Variants in EPHA3 observed in about 807,000 individuals in gnomAD.
EPHA3 encodes the protein EPH receptor A3, also known as ephrin type-A receptor 3.
Under a neutral mutation model 107.1 loss-of-function variants are expected in EPHA3, and 42 were observed. The ratio of observed to expected loss-of-function variants is 0.39; its 90% CI spans 0.31 to 0.51. EPHA3 has a LOEUF of 0.51. Among genes scored for constraint, EPHA3 ranks in the 20% least tolerant of loss-of-function variants. The probability of loss-of-function intolerance (pLI) is 0.78; values close to 1 mark genes in which losing one functional copy is unlikely to be tolerated. For synonymous variants in EPHA3, 461 were observed against 424.8 expected (o/e 1.09, Z -1.05); for missense variants, 1,183 against 1,211.2 (o/e 0.98, Z 0.35).
At chr3:89,304,349 C>T (rs1706561289) in intron 3 of EPHA3, among the ~76,000 whole-genome samples, 2 of 152,018 alleles carry the variant, frequency 1.3e-5, no homozygotes, top group Non-Finnish European at 2.9e-5. Context: ...TGTTTCTCTC[C>T]ACTTCCCTCC....
chr3:89,347,993 G>T (rs948203216), intron 5 of EPHA3, among the ~76,000 whole-genome samples: 3 of 150,804 alleles, frequency 2.0e-5, no homozygotes, highest in African/African-American at 4.9e-5. Flanking sequence ...TAAGCTTTTT[G>T]ATGTGCTGCT....
At chr3:89,443,073 A>G (rs1709814295) in intron 13 of EPHA3, among the ~76,000 whole-genome samples, 1 of 152,246 alleles carries the variant, frequency 6.6e-6, no homozygotes, top group East Asian at 1.9e-4. Context: ...TATAAGTCTT[A>G]CCCTTGTGTA....
At chr3:89,163,396 A>C (rs572893103) in intron 2 of EPHA3, among the ~76,000 whole-genome samples, 89 of 152,278 alleles carry the variant, frequency 5.8e-4, no homozygotes, top group South Asian at 4.1e-4. Context: ...AGAAGGGAAC[A>C]ATAAGGAAAT....
At position 89,219,706 on chromosome 3, in the gene EPHA3, T is replaced by TTTTTTTTA. The variant is rs1704317299; in HGVS notation, c.814+9189_814+9190insTTTTATTT. 9.3e-5 allele frequency among the ~76,000 whole-genome samples: 2 copies of TTTTTTTTA among 21,610 alleles called. 1 individual carries two copies. The highest frequency in any genetic ancestry group is 2.8e-4 in the African/African-American group (2 of 7,096). The allele number at this position is 21,610 out of a possible 152,430, so 14.2% of individuals were successfully genotyped here. On this transcript the variant is annotated intron_variant, in intron 3 of 16. Transcript: ENST00000336596. ...TGGCAATGTTTTTTTTTTTTTTGTT[T>TTTTTTTTA]TTTGTTTTTTTTTTTTTTTTGAGAC...
At chr3:89,280,032 TG>T (rs1450259041) in intron 3 of EPHA3, among the ~76,000 whole-genome samples, 3 of 146,284 alleles carry the variant, frequency 2.1e-5, no homozygotes, top group Non-Finnish European at 3.0e-5. Context: ...CACCTGTGTG[TG>T]TGTGTGTGTG....
intron 13 of EPHA3, among the ~76,000 whole-genome samples, chr3:89,440,004 G>A (rs1164889650): frequency 1.1e-4 from 17 of 151,964 alleles, no homozygotes; most frequent in African/African-American, 1.7e-4. Context: ...TCAAAAGTTC[G>A]AAGAATGAGG....
chr3:89,341,879 A>G lies in EPHA3; in HGVS notation c.1095A>G (p.Lys365=). Residue 365 remains lysine, a synonymous_variant, in exon 5 of 17, where the codon AAA becomes AAG. Coordinates refer to ENST00000336596, the MANE Select transcript of EPHA3 (RefSeq NM_005233.6). ...TTACCTTCAACATCATATGTAAAAA[A>G]TGTGGGTGGAATATAAAACAGTGTG... The part of the protein sequence containing the change: ...KDVTFNIICK[K]CGWNIKQCEP... The G allele has an allele frequency of 1.9e-6, 3 of 1,613,936 alleles. No homozygotes were observed. Among genetic ancestry groups the G allele is most frequent in the South Asian group, 1.1e-5 (1 of 91,064 alleles).
chr3:89,412,864 TC>T (rs957692667), intron 9 of EPHA3, among the ~76,000 whole-genome samples: 3 of 151,742 alleles, frequency 2.0e-5, no homozygotes, highest in South Asian at 2.1e-4. Context: ...CTTCTTAAGA[TC>T]CCCTTTTTTG....
intron 3 of EPHA3, among the ~76,000 whole-genome samples, chr3:89,294,822 T>A (rs1706306100): frequency 6.6e-6 from 1 of 152,196 alleles, no homozygotes; most frequent in African/African-American, 2.4e-5. Context: ...CTCTCTCTAT[T>A]ATGAGTTGTA....
chr3:89,453,927 C>G (rs1488420062), intron 15 of EPHA3, among the ~76,000 whole-genome samples: 1 of 152,078 alleles, frequency 6.6e-6, no homozygotes, highest in Non-Finnish European at 1.5e-5. Context: ...GAGGCTAATC[C>G]TCTACTCTTC....
intron 3 of EPHA3, among the ~76,000 whole-genome samples, chr3:89,260,710 G>A (rs541081072): frequency 6.6e-6 from 1 of 152,254 alleles, no homozygotes; most frequent in South Asian, 2.1e-4. Context: ...TTTACCTAAA[G>A]CTTTAACAAC....
At chr3:89,430,275 T>G (rs1407394371) in intron 12 of EPHA3, among the ~76,000 whole-genome samples, 1 of 152,098 alleles carries the variant, frequency 6.6e-6, no homozygotes, top group South Asian at 2.1e-4. Context: ...GATAGATAGA[T>G]AAATAGATAA....
At chr3:89,471,823 G>A (rs1710409760) in intron 15 of EPHA3, among the ~76,000 whole-genome samples, 1 of 151,974 alleles carries the variant, frequency 6.6e-6, no homozygotes, top group Admixed American at 6.6e-5. Context: ...TATATATCAT[G>A]AATAATGTGT....
chr3:89,476,541 T>C (rs1415922394), intron 16 of EPHA3, among the ~76,000 whole-genome samples: 1 of 148,104 alleles, frequency 6.8e-6, no homozygotes, highest in African/African-American at 2.5e-5. Context: ...TTTACTCATA[T>C]AATATAAATA....
At chr3:89,232,124 G>T (rs1456243202) in intron 3 of EPHA3, among the ~76,000 whole-genome samples, 1 of 152,046 alleles carries the variant, frequency 6.6e-6, no homozygotes, top group East Asian at 1.9e-4. Context: ...ATATTTTGGG[G>T]TGTCGTGTTC....
At chr3:89,276,617 C>T (rs1705812962) in intron 3 of EPHA3, among the ~76,000 whole-genome samples, 2 of 152,016 alleles carry the variant, frequency 1.3e-5, no homozygotes, top group East Asian at 1.9e-4. Context: ...TACTCCTTTC[C>T]TCTCCTCTTA....
At chr3:89,243,444 A>G (rs1436829801) in intron 3 of EPHA3, among the ~76,000 whole-genome samples, 7 of 152,106 alleles carry the variant, frequency 4.6e-5, no homozygotes, top group Admixed American at 4.6e-4. Context: ...AATGATCGCC[A>G]TTCTAACTGG....
intron 13 of EPHA3, among the ~76,000 whole-genome samples, chr3:89,443,411 C>T (rs1488319765): frequency 2.0e-5 from 3 of 151,934 alleles, no homozygotes; most frequent in African/African-American, 7.3e-5. Flanking sequence ...ATTAATGTAA[C>T]AACACTATTA....
At chr3:89,288,647 A>G (rs1706144996) in intron 3 of EPHA3, among the ~76,000 whole-genome samples, 1 of 152,118 alleles carries the variant, frequency 6.6e-6, no homozygotes, top group Non-Finnish European at 1.5e-5. Flanking sequence ...CCAAGTAAAT[A>G]TTCCCATCAT....
Sources: allele counts gnomAD v4.1 joint callset (sites outside exome capture counted in the v4.1 genomes callset), GRCh38; gene constraint gnomAD v4.1.1; transcripts MANE v1.5; gene names NCBI Gene and HGNC (gene_info 2026-07-23, HGNC 2026-07-21).